The following DNM1 variants were observed in gnomAD, a reference collection of about 807,000 sequenced individuals.
DNM1 encodes dynamin-1.
Under a neutral mutation model 104.6 loss-of-function variants are expected in DNM1, and 29 were observed. That is an observed-to-expected ratio of 0.28 (90% CI 0.21 to 0.38). The LOEUF (loss-of-function observed/expected upper bound fraction) is 0.38, where lower values mean the gene tolerates loss of function less well. Ranked by LOEUF, DNM1 falls within the 10% of genes least tolerant of loss-of-function variation. The pLI, the probability that DNM1 is intolerant of heterozygous loss-of-function variation, is 1.00. For missense variants in DNM1, 640 were observed against 1,189.4 expected, an observed-to-expected ratio of 0.54 and a Z score of 6.79; for synonymous variants, 445 against 475.8, an observed-to-expected ratio of 0.94 and a Z score of 0.84.
At position 128,203,747 on chromosome 9, in the gene DNM1, G is replaced by T; in HGVS notation, c.161+116G>T. On this transcript the variant is annotated intron_variant, in intron 1 of 21. Coordinates refer to ENST00000372923, the MANE Select transcript of DNM1 (RefSeq NM_004408.4). This position sits in a 1 kb window ranked among gnomAD's most constrained non-coding sequence, Gnocchi z 5.3. ...GCCCCCGACGCTGCACCCGCGGCCG[G>T]CGCGCCCCCCACCCCCAGCCGGAGC... 9.9e-7 allele frequency: 1 copy of T among 1,007,496 alleles called. No individual in the cohort carries two copies. Among genetic ancestry groups the T allele is most frequent in the Non-Finnish European group, 1.3e-6 (1 of 784,612 alleles). 62.4% of individuals were successfully genotyped at this position (1,007,496 alleles called of 1,614,324 possible). A position where few individuals can be genotyped will look rare whatever the true frequency, so the allele number is the denominator to read the frequency against.
At chr9:128,244,835 TC>T (rs780925686) in intron 15 of DNM1, 1 of 530,262 alleles carries the variant, frequency 1.9e-6, no homozygotes, top group South Asian at 1.4e-5. Flanking sequence ...CTCTGGTCCA[TC>T]CAGGCAGCAG....
intron 21 of DNM1, chr9:128,252,578 G>T (rs1829594369): frequency 1.0e-5 from 4 of 386,612 alleles, no homozygotes; most frequent in South Asian, 7.5e-5. Flanking sequence ...GAAGAGCTCT[G>T]TGGGCAGGGT....
chr9:128,252,980 G>A, intron 21 of DNM1: 1 of 913,190 alleles, frequency 1.1e-6, no homozygotes, highest in South Asian at 1.3e-5. Flanking sequence ...GTGCATGTGG[G>A]CCATGGGGCC....
chr9:128,244,977 G>C (rs1836675691), intron 15 of DNM1: 1 of 288,306 alleles, frequency 3.5e-6, no homozygotes, highest in Admixed American at 4.0e-5. Flanking sequence ...CTCCCCTTCT[G>C]CCTCCTTTGA....
Position 128,224,762 on chromosome 9 carries a change from C to T in DNM1, c.1335+373C>T, listed in dbSNP as rs1489445877. 5.9e-5 allele frequency among the ~76,000 whole-genome samples: 9 copies of T among 152,160 alleles called. No homozygotes were observed. The highest frequency in any genetic ancestry group is 5.9e-4 in the Admixed American group (9 of 15,284). On this transcript the variant is annotated intron_variant, in intron 10 of 21. Transcript: ENST00000372923. This position sits in a 1 kb window ranked among gnomAD's most constrained non-coding sequence, Gnocchi z 4.3. The stretch of plus-strand genomic sequence containing the variant: ...GGGAGGGGTCTGGGGAAACCTTAGC[C>T]TTGGAGACAGGTGAAATGCAGGGCC...
chr9:128,237,087 C>T (rs373886023), intron 11 of DNM1, among the ~76,000 whole-genome samples: 25 of 152,172 alleles, frequency 1.6e-4, no homozygotes, highest in African/African-American at 6.0e-4. Flanking sequence ...CATTTGTGGA[C>T]TTTGAGGCTA....
At position 128,248,204 on chromosome 9, in the gene DNM1, G is replaced by A. The variant is rs2131290581; in HGVS notation, c.1905+269G>A. 3 of 534,080 alleles carry A rather than the reference G, an allele frequency of 5.6e-6. No homozygotes were observed. Among genetic ancestry groups the A allele is most frequent in the Non-Finnish European group, 1.0e-5 (3 of 296,772 alleles). 33.1% of individuals were successfully genotyped at this position (534,080 alleles called of 1,614,324 possible). A position where few individuals can be genotyped will look rare whatever the true frequency, so the allele number is the denominator to read the frequency against. Reference sequence around the variant, plus strand: ...TAGCCAGGCATGGTGGTGCGCGCCTGTAATCCCAGCTACTCAGGAGGCTGA... The same window carrying A: ...TAGCCAGGCATGGTGGTGCGCGCCTATAATCCCAGCTACTCAGGAGGCTGA... On this transcript the variant is annotated intron_variant, in intron 18 of 21. Transcript: ENST00000372923. The surrounding 1 kb of genome is among the most constrained non-coding windows in gnomAD (Gnocchi z 5.6).
chr9:128,244,419 G>A lies in DNM1; in HGVS notation c.1672-1975G>A, dbSNP rs140002805. Among the ~76,000 whole-genome samples, 91 of 152,090 alleles carry A rather than the reference G, an allele frequency of 6.0e-4. No homozygotes were observed. In the East Asian group the frequency reaches 0.015, roughly 25 times the overall value. On this transcript the variant is annotated intron_variant, in intron 15 of 21. Transcript: ENST00000372923. ...TGGGGATGTGGAGGTGGTCCAGGCT[G>A]GTGGGAGAGTGGTCTGTACTTCTCT...
chr9:128,211,769 A>T (rs978561949), intron 1 of DNM1, among the ~76,000 whole-genome samples: 1 of 151,370 alleles, frequency 6.6e-6, no homozygotes, highest in Non-Finnish European at 1.5e-5. Context: ...TTCTCTGATG[A>T]CCCTCTCCTG....
rs1468757344 is a variant in DNM1 at position 128,214,553 on chromosome 9, A to AGTAGGG, written c.162-3663_162-3658dup. 8.5e-5 allele frequency among the ~76,000 whole-genome samples: 13 copies of AGTAGGG among 152,278 alleles called. No homozygotes were observed. The South Asian group carries it at 2.5e-3, about 29-fold the overall frequency. On this transcript the variant is annotated intron_variant, in intron 1 of 21. Coordinates refer to ENST00000372923, the MANE Select transcript of DNM1 (RefSeq NM_004408.4). ...TCTGATCCCAAGTCTCAGGTCCTAG[A>AGTAGGG]GTAGGGGTAGGGGTAGGGGTCACAT...
At chr9:128,215,813 G>A (rs1452864230) in intron 1 of DNM1, among the ~76,000 whole-genome samples, 1 of 152,148 alleles carries the variant, frequency 6.6e-6, no homozygotes, top group Non-Finnish European at 1.5e-5. Flanking sequence ...AGCCCCTCCT[G>A]CAGTTTCCAT....
intron 1 of DNM1, chr9:128,204,172 C>G (rs1169251406): frequency 1.3e-5 from 2 of 152,564 alleles, no homozygotes; most frequent in East Asian, 3.9e-4. Context: ...GGCCTCCCGC[C>G]AGCACACACA....
rs1829716522 is a variant in DNM1, at chr9:128,254,335, AG to A, written c.2535-314del. 2 of 1,400,026 alleles carry A rather than the reference AG, an allele frequency of 1.4e-6. No individual in the cohort carries two copies. Among genetic ancestry groups the A allele is most frequent in the East Asian group, 2.8e-5 (1 of 35,852 alleles). The allele number at this position is 1,400,026 out of a possible 1,614,324, so 86.7% of individuals were successfully genotyped here. On this transcript the variant is annotated intron_variant, in intron 21 of 21. Transcript: ENST00000372923. The surrounding 1 kb of genome is among the most constrained non-coding windows in gnomAD (Gnocchi z 6.1). ...GGTGACCAGAGAAGAGGGAAGCCCG[AG>A]GGGGCCGAGCATCAGCCTGAATTGC...
intron 6 of DNM1, among the ~76,000 whole-genome samples, chr9:128,221,667 G>A (rs530171056): frequency 3.3e-5 from 5 of 152,182 alleles, no homozygotes; most frequent in East Asian, 3.9e-4. Context: ...AGGCTGAGGC[G>A]GGTGGATCAC....
chr9:128,233,035 T>C (rs1835795371), intron 10 of DNM1, among the ~76,000 whole-genome samples: 1 of 152,078 alleles, frequency 6.6e-6, no homozygotes. Context: ...GGGCAGGCTT[T>C]CTGGAGGAGC....
In DNM1 at chr9:128,218,881, C is replaced by T; in HGVS notation, c.385+150C>T. On this transcript the variant is annotated intron_variant, in intron 3 of 21. Transcript: ENST00000372923. The surrounding 1 kb of genome is among the most constrained non-coding windows in gnomAD (Gnocchi z 4.8). ...AGCTCCACCCTGCCGTGATTCCGCC[C>T]ACTTCCGGCCACGCCTCCAACAGAC... 1.5e-6 allele frequency: 2 copies of T among 1,296,250 alleles called. No homozygotes were observed. Among genetic ancestry groups the T allele is most frequent in the African/African-American group, 1.5e-5 (1 of 68,026 alleles). 80.3% of individuals were successfully genotyped at this position (1,296,250 alleles called of 1,614,324 possible). A position where few individuals can be genotyped will look rare whatever the true frequency, so the allele number is the denominator to read the frequency against.
At chr9:128,229,908 G>T (rs55879611) in intron 10 of DNM1, among the ~76,000 whole-genome samples, 1 of 150,282 alleles carries the variant, frequency 6.7e-6, no homozygotes, top group African/African-American at 2.4e-5. Context: ...GCGAGACTCC[G>T]TCTCAAAGGA....
chr9:128,214,116 C>T (rs1416167716), intron 1 of DNM1, among the ~76,000 whole-genome samples: 2 of 152,150 alleles, frequency 1.3e-5, no homozygotes, highest in South Asian at 4.1e-4. Context: ...CCTGCCCTCA[C>T]CCCCAAGCTC....
chr9:128,250,514 C>CT (rs1330186374), intron 20 of DNM1, among the ~76,000 whole-genome samples, 158 bp downstream of exon 20: 1 of 152,104 alleles, frequency 6.6e-6, no homozygotes. Context: ...CGGGGCGGGG[C>CT]TTGCCGTGGA....
Sources: gnomAD v4.1 joint callset for allele counts (sites outside exome capture counted in the v4.1 genomes callset) on GRCh38, gnomAD v4.1.1 for gene constraint, Gnocchi (gnomAD v3.1) non-coding constraint, MANE v1.5 for transcripts, NCBI Gene and HGNC (gene_info 2026-07-23, HGNC 2026-07-21) for gene names.